Variants in MAPK10 observed in about 807,000 individuals in gnomAD.
MAPK10 encodes mitogen-activated protein kinase 10.
A neutral mutation model predicts 59.3 loss-of-function variants in MAPK10; 25 were observed. That is an observed-to-expected ratio of 0.42 (90% confidence interval 0.31 to 0.59). The LOEUF (loss-of-function observed/expected upper bound fraction) is 0.59, where lower values mean the gene tolerates loss of function less well. Ranked by LOEUF, MAPK10 falls within the 20% of genes least tolerant of loss-of-function variation. The pLI, the probability that MAPK10 is intolerant of heterozygous loss-of-function variation, is 0.15. For missense variants in MAPK10, 351 were observed against 568.9 expected (o/e 0.62, Z 3.90); for synonymous variants, 190 against 200.5 (o/e 0.95, Z 0.44).
intron 2 of MAPK10, among the ~76,000 whole-genome samples, chr4:86,336,998 C>T (rs1364335012): frequency 1.3e-5 from 2 of 151,892 alleles, no homozygotes; most frequent in African/African-American, 4.8e-5. Flanking sequence ...ACCATGTTAG[C>T]CAGGATGATC....
chr4:86,412,406 T>C (rs1745305326), intron 1 of MAPK10, among the ~76,000 whole-genome samples: 1 of 152,214 alleles, frequency 6.6e-6, no homozygotes, highest in Non-Finnish European at 1.5e-5. Context: ...AGGAACATCT[T>C]TGTGGTGTTC....
At chr4:86,178,213 G>A (rs1221531925) in intron 3 of MAPK10, among the ~76,000 whole-genome samples, 1 of 151,456 alleles carries the variant, frequency 6.6e-6, no homozygotes, top group Non-Finnish European at 1.5e-5. Context: ...TTTAATCATA[G>A]TTTTTTTGTT....
At chr4:86,255,298 T>A (rs1254121188) in intron 2 of MAPK10, among the ~76,000 whole-genome samples, 1 of 152,138 alleles carries the variant, frequency 6.6e-6, no homozygotes, top group African/African-American at 2.4e-5. Context: ...TTTTCAGAAA[T>A]GTATATCCCT....
intron 1 of MAPK10, among the ~76,000 whole-genome samples, chr4:86,365,716 T>A (rs17451306): frequency 0.23 from 34,855 of 152,016 alleles, 4,545 homozygotes; most frequent in South Asian, 0.43. Context: ...TGTTACAATA[T>A]CACATATTTG....
intron 2 of MAPK10, among the ~76,000 whole-genome samples, chr4:86,221,503 G>T (rs1268633186): frequency 2.6e-5 from 4 of 151,720 alleles, no homozygotes; most frequent in African/African-American, 4.8e-5. Flanking sequence ...ATAAAAACAG[G>T]GTCTGGCTCT....
chr4:86,044,597 G>C (rs1480407156), intron 11 of MAPK10: 1 of 394,640 alleles, frequency 2.5e-6, no homozygotes, highest in Non-Finnish European at 4.5e-6. Context: ...ATGATTTCTG[G>C]ACAGATATAT....
chr4:86,213,867 C>A (rs1192158607), intron 2 of MAPK10, among the ~76,000 whole-genome samples: 3 of 152,040 alleles, frequency 2.0e-5, no homozygotes, highest in Admixed American at 6.6e-5. Context: ...CAGACTCATT[C>A]TATGAGACCA....
chr4:86,226,396 G>T (rs1203733160), intron 2 of MAPK10, among the ~76,000 whole-genome samples: 1 of 152,158 alleles, frequency 6.6e-6, no homozygotes, highest in Admixed American at 6.5e-5. Context: ...AATACAATGG[G>T]ACATATAAAA....
At chr4:86,536,205 G>A (rs1443179980) in intron 1 of MAPK10, among the ~76,000 whole-genome samples, 1 of 152,156 alleles carries the variant, frequency 6.6e-6, no homozygotes, top group Non-Finnish European at 1.5e-5. Context: ...ACACTCAGCA[G>A]GCAGTTTCTT....
chr4:86,065,027 C>T (rs1287914722), intron 10 of MAPK10: 1 of 152,152 alleles, frequency 6.6e-6, no homozygotes, highest in Non-Finnish European at 1.5e-5. Flanking sequence ...ATCCCAGCTT[C>T]CCGAGTAACT....
chr4:86,417,862 G>A (rs1163025903), intron 1 of MAPK10, among the ~76,000 whole-genome samples: 1 of 152,166 alleles, frequency 6.6e-6, no homozygotes, highest in East Asian at 1.9e-4. Flanking sequence ...CATTCAAAAA[G>A]TAGACAGGAG....
intron 2 of MAPK10, among the ~76,000 whole-genome samples, chr4:86,252,047 A>G (rs1378790602): frequency 1.7e-5 from 2 of 117,548 alleles, no homozygotes; most frequent in Non-Finnish European, 3.2e-5. Context: ...AATTTGTTTG[A>G]GTTCATTGTA....
chr4:86,265,368 G>A (rs924062224), intron 2 of MAPK10, among the ~76,000 whole-genome samples: 4 of 151,922 alleles, frequency 2.6e-5, no homozygotes, highest in African/African-American at 7.3e-5. Flanking sequence ...ATTTAGCCTG[G>A]CATGGTGGCA....
At chr4:86,361,977 G>A (rs140436995), upstream of MAPK10, among the ~76,000 whole-genome samples, 940 of 152,204 alleles carry the variant, frequency 6.2e-3, 7 homozygotes, top group African/African-American at 0.02. Context: ...CTATTGCACA[G>A]CACAGTGACT....
chr4:86,441,463 T>C (rs1393909801), intron 1 of MAPK10, among the ~76,000 whole-genome samples: 1 of 152,256 alleles, frequency 6.6e-6, no homozygotes, highest in Non-Finnish European at 1.5e-5. Flanking sequence ...ATGAACCTTT[T>C]AGCCACAAAG....
At chr4:86,529,563 G>C (rs1757714671) in intron 1 of MAPK10, among the ~76,000 whole-genome samples, 1 of 152,138 alleles carries the variant, frequency 6.6e-6, no homozygotes, top group South Asian at 2.1e-4. Flanking sequence ...TTCTTTTCAA[G>C]TTATTTGCTT....
At chr4:86,242,914 G>A (rs933882442) in intron 2 of MAPK10, among the ~76,000 whole-genome samples, 6 of 152,188 alleles carry the variant, frequency 3.9e-5, no homozygotes, top group African/African-American at 7.2e-5. Flanking sequence ...AAGAATCTGC[G>A]CATTCTGGGG....
At chr4:86,394,973 T>G (rs1011931357) in intron 1 of MAPK10, among the ~76,000 whole-genome samples, 1 of 152,210 alleles carries the variant, frequency 6.6e-6, no homozygotes, top group Non-Finnish European at 1.5e-5. Context: ...TTTCACCATC[T>G]GTGGGGAAAC....
At chr4:86,295,865 C>T (rs2095349071) in intron 2 of MAPK10, among the ~76,000 whole-genome samples, 2 of 149,638 alleles carry the variant, frequency 1.3e-5, no homozygotes, top group African/African-American at 4.9e-5. Context: ...AAGCGGAAAA[C>T]AAAACAAAGA....
Sources: gnomAD v4.1 joint callset for allele counts (sites outside exome capture counted in the v4.1 genomes callset) on GRCh38, gnomAD v4.1.1 for gene constraint, MANE v1.5 for transcripts, NCBI Gene and HGNC (gene_info 2026-07-23, HGNC 2026-07-21) for gene names.